HDAC9: variants seen among roughly 807,000 people sequenced by gnomAD.
HDAC9 encodes histone deacetylase 9.
Under a neutral mutation model 139.4 loss-of-function variants are expected in HDAC9, and 41 were observed. The ratio of observed to expected loss-of-function variants is 0.29; its 90% CI spans 0.23 to 0.38. The LOEUF (loss-of-function observed/expected upper bound fraction) is 0.38, where lower values mean the gene tolerates loss of function less well. Ranked by LOEUF, HDAC9 falls within the 10% of genes least tolerant of loss-of-function variation. HDAC9 has a pLI of 1.00. For synonymous variants in HDAC9, 517 were observed against 476.2 expected (o/e 1.09, Z -1.12); for missense variants, 1,147 against 1,297.0 (o/e 0.88, Z 1.78).
At chr7:18,479,984 CTTT>C (rs753734278) in intron 1 of HDAC9, among the ~76,000 whole-genome samples, 1 of 116,172 alleles carries the variant, frequency 8.6e-6, no homozygotes, top group African/African-American at 3.2e-5. Context: ...TCCACTCTGT[CTTT>C]TTTTTTTTTT....
intron 2 of HDAC9, among the ~76,000 whole-genome samples, chr7:18,238,612 T>C (rs1033885592): frequency 6.6e-6 from 1 of 152,174 alleles, no homozygotes; most frequent in African/African-American, 2.4e-5. Context: ...ACCACAATTT[T>C]TAGATTCAGT....
intron 2 of HDAC9, among the ~76,000 whole-genome samples, chr7:18,215,011 A>G (rs2041092): frequency 0.24 from 36,808 of 151,826 alleles, 4,481 homozygotes; most frequent in African/African-American, 0.25. Context: ...CTTAAGTACT[A>G]TGGTATGATA....
intron 2 of HDAC9, among the ~76,000 whole-genome samples, chr7:18,539,212 C>G (rs1387102873): frequency 6.6e-6 from 1 of 152,208 alleles, no homozygotes; most frequent in Non-Finnish European, 1.5e-5. Flanking sequence ...TGTGGCTCTA[C>G]TCTACTTATG....
chr7:18,341,476 GTATCTTCAGGTATGCTAATCTTTTTTTCC>G (rs1481759635), intron 1 of HDAC9, among the ~76,000 whole-genome samples: 5 of 151,500 alleles, frequency 3.3e-5, no homozygotes, highest in African/African-American at 1.2e-4. Context: ...TTCTGTTGCT[GTATCTTCAGGTATGCTAATCTTTTTTTCC>G]TGCGATATCT....
At chr7:18,274,479 G>C (rs1241496166) in intron 2 of HDAC9, among the ~76,000 whole-genome samples, 7 of 152,104 alleles carry the variant, frequency 4.6e-5, no homozygotes, top group Non-Finnish European at 1.0e-4. Context: ...ACCCCCAAGA[G>C]AAGGCATTAA....
chr7:18,923,323 G>T (rs1803925270), intron 22 of HDAC9, among the ~76,000 whole-genome samples: 1 of 152,072 alleles, frequency 6.6e-6, no homozygotes, highest in Non-Finnish European at 1.5e-5. Context: ...ATTCCAGCTT[G>T]ACTCCCAGTC....
intron 11 of HDAC9, among the ~76,000 whole-genome samples, chr7:18,662,424 A>G (rs960502627): frequency 1.3e-5 from 2 of 149,598 alleles, no homozygotes; most frequent in Admixed American, 1.3e-4. Context: ...GGAGGAGGTC[A>G]AGGAAAGTTT....
At chr7:18,330,352 G>A (rs987007344) in intron 1 of HDAC9, among the ~76,000 whole-genome samples, 1 of 151,230 alleles carries the variant, frequency 6.6e-6, no homozygotes, top group African/African-American at 2.4e-5. Flanking sequence ...TCACTAAATG[G>A]ATTATATTTT....
At chr7:18,615,255 G>A (rs954412046) in intron 6 of HDAC9, among the ~76,000 whole-genome samples, 6 of 152,086 alleles carry the variant, frequency 3.9e-5, no homozygotes, top group African/African-American at 1.2e-4. Context: ...GGTTTAAACT[G>A]TTCCCCCTCC....
chr7:18,217,218 A>G (rs1208108221), intron 2 of HDAC9, among the ~76,000 whole-genome samples: 2 of 152,116 alleles, frequency 1.3e-5, no homozygotes, highest in Non-Finnish European at 2.9e-5. Context: ...AACTATACAT[A>G]ATATTCTTTA....
At chr7:18,956,287 T>G (rs749247808) in intron 24 of HDAC9, among the ~76,000 whole-genome samples, 1 of 152,162 alleles carries the variant, frequency 6.6e-6, no homozygotes, top group South Asian at 2.1e-4. Context: ...AATGCCATAA[T>G]TTCTCAAGAC....
intron 12 of HDAC9, among the ~76,000 whole-genome samples, chr7:18,690,408 C>G (rs561962710): frequency 2.0e-5 from 3 of 151,890 alleles, no homozygotes; most frequent in Admixed American, 6.6e-5. Context: ...TTTGACTCTC[C>G]TTTGCAGAGA....
intron 6 of HDAC9, among the ~76,000 whole-genome samples, chr7:18,603,035 T>G (rs1049092622): frequency 3.9e-5 from 6 of 152,090 alleles, no homozygotes; most frequent in Non-Finnish European, 8.8e-5. Context: ...CTGTGACTAT[T>G]TTATCAATAT....
At chr7:18,911,313 G>T (rs367688580) in intron 22 of HDAC9, among the ~76,000 whole-genome samples, 1 of 151,706 alleles carries the variant, frequency 6.6e-6, no homozygotes, top group African/African-American at 2.4e-5. Context: ...TTGTATAGTT[G>T]TATAGTTGGT....
intron 24 of HDAC9, among the ~76,000 whole-genome samples, chr7:18,955,580 T>C (rs1783092036): frequency 6.6e-6 from 1 of 152,160 alleles, no homozygotes. Flanking sequence ...TGAGTTCTTA[T>C]TACATGTTGA....
chr7:18,502,669 A>C (rs1209523850), intron 2 of HDAC9: 1 of 152,090 alleles, frequency 6.6e-6, no homozygotes, highest in Non-Finnish European at 1.5e-5. Flanking sequence ...ATTGAATATA[A>C]GTTTTTTATT....
intron 11 of HDAC9, among the ~76,000 whole-genome samples, chr7:18,653,985 C>A (rs1584638481): frequency 6.6e-6 from 1 of 151,946 alleles, no homozygotes; most frequent in Admixed American, 6.6e-5. Flanking sequence ...AGCATGCATG[C>A]CTGTGTGTGT....
At chr7:18,713,692 T>A (rs148126281) in intron 12 of HDAC9, among the ~76,000 whole-genome samples, 3 of 152,208 alleles carry the variant, frequency 2.0e-5, no homozygotes, top group African/African-American at 4.8e-5. Flanking sequence ...AAAATCAACA[T>A]GTGCATAATT....
Position 18,729,283 on chromosome 7 carries a change from A to T in HDAC9, c.1909+1526A>T, listed in dbSNP as rs1267346805. 4.6e-5 allele frequency among the ~76,000 whole-genome samples: 7 copies of T among 151,448 alleles called. 1 individual carries two copies. The East Asian group carries it at 1.3e-3, about 29-fold the overall frequency. ...TCCATTGACTGAAATAATTTCCTTA[A>T]TATTATAATAATATTAAAAATTAAA... is the stretch of plus-strand genomic sequence containing the variant. On this transcript the variant is annotated intron_variant, in intron 13 of 25. Coordinates refer to ENST00000686413, the MANE Select transcript of HDAC9 (RefSeq NM_178425.4).
Sources: allele counts gnomAD v4.1 joint callset (sites outside exome capture counted in the v4.1 genomes callset), GRCh38; gene constraint gnomAD v4.1.1; transcripts MANE v1.5; gene names NCBI Gene and HGNC (gene_info 2026-07-23, HGNC 2026-07-21).